Variants in UTS2B observed in about 807,000 individuals in gnomAD.
The protein encoded by UTS2B is urotensin 2B, also known as urotensin-2B.
A neutral mutation model predicts 19.2 loss-of-function variants in UTS2B; 21 were observed. The ratio of observed to expected loss-of-function variants is 1.09; its 90% CI spans 0.78 to 1.58. The LOEUF (loss-of-function observed/expected upper bound fraction) is 1.58. Ranked by LOEUF, UTS2B falls within the 40% of genes most tolerant of loss-of-function variation. The pLI is 0.00. For synonymous variants in UTS2B, 57 were observed against 50.2 expected (o/e 1.14, Z -0.58); for missense variants, 138 against 130.3 (o/e 1.06, Z -0.29).
At chr3:191,300,882 T>C (rs1013180548) in intron 4 of UTS2B, among the ~76,000 whole-genome samples, 2 of 152,254 alleles carry the variant, frequency 1.3e-5, no homozygotes, top group Non-Finnish European at 2.9e-5. Context: ...AGAAGCTCTA[T>C]GTTTTCTTTA....
At position 191,326,305 on chromosome 3, in the gene UTS2B, T is replaced by C. The variant is rs146965881; in HGVS notation, c.-586+2326A>G. Among the ~76,000 whole-genome samples, 409 of 152,286 alleles carry C rather than the reference T, an allele frequency of 2.7e-3. 1 individual carries two copies. Among genetic ancestry groups the C allele is most frequent in the Non-Finnish European group, 4.7e-3 (319 of 68,008 alleles). ...CGCGGATATTAGGGAATCAAACAGA[T>C]AAACCCCTGCCCTCACAGAGCTTAC... On this transcript the variant is annotated intron_variant, in intron 2 of 8. Coordinates refer to ENST00000340524, the MANE Select transcript of UTS2B (RefSeq NM_198152.5).
At chr3:191,271,200 C>CAAAAAAAA (rs66756396) in intron 8 of UTS2B, among the ~76,000 whole-genome samples, 7 of 52,768 alleles carry the variant, frequency 1.3e-4, no homozygotes, top group African/African-American at 5.0e-4. Context: ...GAGACTCTCT[C>CAAAAAAAA]AAAAAAAAAA....
the UTS2B span, among the ~76,000 whole-genome samples, chr3:191,339,074 A>G: frequency 0.014 from 2,069 of 152,304 alleles, 57 homozygotes; most frequent in African/African-American, 0.047. Context: ...ATGTATTTTT[A>G]AAATTCTTGA....
chr3:191,268,018 A>G lies in UTS2B; in HGVS notation c.*398T>C, dbSNP rs4687206. On this transcript the variant is annotated 3_prime_UTR_variant, in exon 9 of 9. Coordinates refer to ENST00000340524, the MANE Select transcript of UTS2B (RefSeq NM_198152.5). ...AACCCTAAAGAGGCCTAGAAGAGCC[A>G]TGGCAAGATGAGGACGTTTACAACC... 0.76 allele frequency: 116,894 copies of G among 153,642 alleles called. 45,047 individuals are homozygous for G. The highest frequency in any genetic ancestry group is 0.89 in the African/African-American group (37,077 of 41,578). 9.5% of individuals were successfully genotyped at this position (153,642 alleles called of 1,614,324 possible).
chr3:191,310,565 G>T lies in UTS2B; in HGVS notation c.-182+5471C>A, dbSNP rs192316501. ...AAATGCTGCCAATGTTGATGCTCTG[G>T]CCATTGCTATTTCTGTGAGTAATGA... On this transcript the variant is annotated intron_variant, in intron 3 of 8. Coordinates refer to ENST00000340524, the MANE Select transcript of UTS2B (RefSeq NM_198152.5). 3.9e-5 allele frequency among the ~76,000 whole-genome samples: 6 copies of T among 152,232 alleles called. No individual in the cohort carries two copies. In the East Asian group the frequency reaches 1.2e-3, roughly 29 times the overall value.
chr3:191,282,254 A>G lies in UTS2B; in HGVS notation c.-65T>C. ...TCCAGGTCAAGATGGATATTTCTAT[A>G]GCTTTGGAATTCAGTAGAGCTTAGT... On this transcript the variant is annotated 5_prime_UTR_variant, in exon 5 of 9. Coordinates refer to ENST00000340524, the MANE Select transcript of UTS2B (RefSeq NM_198152.5). 7.9e-7 allele frequency: 1 copy of G among 1,267,862 alleles called. No homozygotes were observed. The highest frequency in any genetic ancestry group is 1.3e-5 in the South Asian group (1 of 75,072). The allele number at this position is 1,267,862 out of a possible 1,614,324, so 78.5% of individuals were successfully genotyped here.
intron 4 of UTS2B, among the ~76,000 whole-genome samples, chr3:191,301,533 C>G (rs1253067353): frequency 1.5e-5 from 2 of 135,042 alleles, no homozygotes; most frequent in Admixed American, 1.7e-4. Context: ...GTCGCCCAGG[C>G]TGGAGTGCAG....
intron 2 of UTS2B, among the ~76,000 whole-genome samples, chr3:191,322,860 G>A (rs1483186567): frequency 6.6e-6 from 1 of 152,142 alleles, no homozygotes; most frequent in African/African-American, 2.4e-5. Context: ...TTGCTCTTCT[G>A]AGCCCCTTGA....
chr3:191,286,431 G>A (rs1716545900), intron 4 of UTS2B, among the ~76,000 whole-genome samples: 1 of 151,962 alleles, frequency 6.6e-6, no homozygotes, highest in Admixed American at 6.5e-5. Flanking sequence ...TTCTCCAACT[G>A]CAATGGTATG....
At chr3:191,310,501 C>T (rs1477179931) in intron 3 of UTS2B, among the ~76,000 whole-genome samples, 1 of 152,140 alleles carries the variant, frequency 6.6e-6, no homozygotes, top group Non-Finnish European at 1.5e-5. Flanking sequence ...TCATTTGTCC[C>T]TTATACCAAC....
At chr3:191,299,479 C>A (rs1037180830) in intron 4 of UTS2B, among the ~76,000 whole-genome samples, 1 of 152,258 alleles carries the variant, frequency 6.6e-6, no homozygotes, top group African/African-American at 2.4e-5. Flanking sequence ...TCAGGGAGTG[C>A]AAGCCATGAG....
intron 3 of UTS2B, among the ~76,000 whole-genome samples, chr3:191,305,346 T>C (rs896150656): frequency 2.0e-5 from 3 of 152,208 alleles, no homozygotes; most frequent in Non-Finnish European, 4.4e-5. Context: ...TTTGACATTT[T>C]AATAATAGCC....
chr3:191,329,417 T>C (rs766656856), intron 1 of UTS2B: 119 of 396,256 alleles, frequency 3.0e-4, no homozygotes, highest in Non-Finnish European at 4.8e-4. Flanking sequence ...GGATATTTGG[T>C]ATCGATTGGG....
intron 2 of UTS2B, among the ~76,000 whole-genome samples, chr3:191,325,059 AAAT>A (rs140402426): frequency 0.3 from 44,870 of 151,652 alleles, 7,048 homozygotes; most frequent in Non-Finnish European, 0.34. Context: ...CAGGAAAAAA[AAAT>A]AATATTAATA....
At chr3:191,295,733 A>G (rs762126075) in intron 4 of UTS2B, among the ~76,000 whole-genome samples, 3 of 151,956 alleles carry the variant, frequency 2.0e-5, no homozygotes, top group African/African-American at 4.9e-5. Flanking sequence ...CTGTCTTAGA[A>G]AATGGCATGA....
chr3:191,334,265 A>G (rs1336460725), upstream of UTS2B, among the ~76,000 whole-genome samples: 1 of 152,200 alleles, frequency 6.6e-6, no homozygotes, highest in Non-Finnish European at 1.5e-5. Flanking sequence ...CTGAATTCAT[A>G]TGTGCACCAA....
intron 2 of UTS2B, among the ~76,000 whole-genome samples, chr3:191,318,735 T>C (rs1440910963): frequency 1.3e-5 from 2 of 152,320 alleles, no homozygotes; most frequent in African/African-American, 4.8e-5. Flanking sequence ...CCTCCCAAAG[T>C]GTTGGGATGA....
intron 8 of UTS2B, 120 bp downstream of exon 8, chr3:191,275,132 C>A (rs1453565890): frequency 4.4e-6 from 3 of 675,696 alleles, no homozygotes; most frequent in Non-Finnish European, 5.1e-6. Context: ...TTAATATGAG[C>A]CTTTATATTG....
rs372755343 is a variant in UTS2B at position 191,289,338 on chromosome 3, GAC to G, written c.-124-7027_-124-7026del. Reference sequence around the variant, plus strand: ...GCAGGAGAATGGCGTAAACCTGGGAGACAGAGCTTGCAGTGAGTGGAGATTGC... The same window carrying G: ...GCAGGAGAATGGCGTAAACCTGGGAGAGAGCTTGCAGTGAGTGGAGATTGC... On this transcript the variant is annotated intron_variant, in intron 4 of 8. Transcript: ENST00000340524. Among the ~76,000 whole-genome samples, 889 of 151,952 alleles carry G rather than the reference GAC, an allele frequency of 5.9e-3. 8 individuals are homozygous for G. The highest frequency in any genetic ancestry group is 0.02 in the African/African-American group (838 of 41,404).
Sources: gnomAD v4.1 joint callset for allele counts (sites outside exome capture counted in the v4.1 genomes callset) on GRCh38, gnomAD v4.1.1 for gene constraint, MANE v1.5 for transcripts, NCBI Gene and HGNC (gene_info 2026-07-23, HGNC 2026-07-21) for gene names.